Variants in TYW1 observed in about 807,000 individuals in gnomAD.
TYW1 encodes S-adenosyl-L-methionine-dependent tRNA 4-demethylwyosine synthase TYW1.
Under a neutral mutation model 96.2 loss-of-function variants are expected in TYW1, and 46 were observed. The observed-to-expected ratio is 0.48, with a 90% CI of 0.38 to 0.61. The LOEUF is 0.61. Ranked by LOEUF, TYW1 falls within the 20% of genes least tolerant of loss-of-function variation. TYW1 has a pLI of 0.00. For missense variants in TYW1, 684 were observed against 909.6 expected (o/e 0.75, Z 3.19); for synonymous variants, 274 against 323.0 (o/e 0.85, Z 1.63).
intron 15 of TYW1, among the ~76,000 whole-genome samples, chr7:67,227,990 C>G (rs1056641590): frequency 1.8e-4 from 28 of 152,246 alleles, no homozygotes; most frequent in African/African-American, 6.3e-4. Context: ...GGTGGTCTTG[C>G]GGGCCGCTGA....
At chr7:67,180,386 TTATATATATATATATATA>T (rs372906172) in intron 13 of TYW1, among the ~76,000 whole-genome samples, 1 of 111,598 alleles carries the variant, frequency 9.0e-6, no homozygotes, top group Admixed American at 9.7e-5. Context: ...AGCTGTTGGT[TTATATATATATATATATA>T]TTTATATATA....
chr7:67,095,387 C>T (rs1796866949), intron 11 of TYW1, among the ~76,000 whole-genome samples: 1 of 150,790 alleles, frequency 6.6e-6, no homozygotes. Context: ...TGAGTCCCTT[C>T]AATAAACCCT....
rs1247359387 is a variant in TYW1 at position 67,221,634 on chromosome 7, T to G, written c.1978-16674T>G. ...TGAAACATTTAAATTACCTTTTCAT[T>G]TCCTTTTGTGTAGATGCTGTAGCTA... On this transcript the variant is annotated intron_variant, in intron 15 of 15. Transcript: ENST00000359626. Among the ~76,000 whole-genome samples, 6 of 152,238 alleles carry G rather than the reference T, an allele frequency of 3.9e-5. 1 individual carries two copies. The highest frequency in any genetic ancestry group is 8.8e-5 in the Non-Finnish European group (6 of 68,044).
chr7:67,109,418 C>T (rs1797336844), intron 12 of TYW1, among the ~76,000 whole-genome samples: 1 of 150,116 alleles, frequency 6.7e-6, no homozygotes, highest in African/African-American at 2.5e-5. Context: ...AATGAGAATA[C>T]TGGCAAAAAT....
At position 67,006,948 on chromosome 7, in the gene TYW1, C is replaced by CTTTTT. The variant is rs34475001; in HGVS notation, c.274-2610_274-2606dup. ...CAAAACAGTAGGGAGAGATGTGAGG[C>CTTTTT]TTTTTTTTTTTTTTTTTTTTTTTTT... On this transcript the variant is annotated intron_variant, in intron 3 of 15. Coordinates refer to ENST00000359626, the MANE Select transcript of TYW1 (RefSeq NM_018264.4). Among the ~76,000 whole-genome samples the CTTTTT allele has an allele frequency of 2.3e-3, 102 of 45,140 alleles. 16 individuals are homozygous for CTTTTT. The highest frequency in any genetic ancestry group is 2.6e-3 in the Non-Finnish European group (70 of 27,176). The allele number at this position is 45,140 out of a possible 152,430, so 29.6% of individuals were successfully genotyped here.
intron 12 of TYW1, among the ~76,000 whole-genome samples, chr7:67,114,838 G>T (rs1797540955): frequency 6.6e-6 from 1 of 152,092 alleles, no homozygotes. Context: ...CTAATTTTGA[G>T]CCCCTTAGAA....
rs71052407 is a variant in TYW1 at position 67,207,681 on chromosome 7, C to CTTCTT, written c.1977+12346_1977+12347insCTTTT. Among the ~76,000 whole-genome samples, 50 of 116,576 alleles carry CTTCTT rather than the reference C, an allele frequency of 4.3e-4. 2 individuals are homozygous for CTTCTT. Among genetic ancestry groups the CTTCTT allele is most frequent in the African/African-American group, 1.4e-3 (44 of 30,908 alleles). The allele number at this position is 116,576 out of a possible 152,430, so 76.5% of individuals were successfully genotyped here. ...TATCTACTTCACAAATTTTGTTTGC[C>CTTCTT]TTTTTTTTTTTTGGAGATGGAGTCA... is the stretch of plus-strand genomic sequence containing the variant. On this transcript the variant is annotated intron_variant, in intron 15 of 15. Coordinates refer to ENST00000359626, the MANE Select transcript of TYW1 (RefSeq NM_018264.4).
intron 14 of TYW1, among the ~76,000 whole-genome samples, chr7:67,189,095 G>C (rs2844121): frequency 6.6e-6 from 1 of 151,972 alleles, no homozygotes; most frequent in Non-Finnish European, 1.5e-5. Flanking sequence ...TTTAGGAAAC[G>C]CTACCTTCCT....
At chr7:67,219,801 CA>C (rs1801321000) in intron 15 of TYW1, among the ~76,000 whole-genome samples, 1 of 145,272 alleles carries the variant, frequency 6.9e-6, no homozygotes, top group African/African-American at 2.5e-5. Context: ...AAAGGTTTGT[CA>C]ATTTTGTTGA....
intron 13 of TYW1, among the ~76,000 whole-genome samples, chr7:67,141,178 C>G (rs1261586201): frequency 6.6e-6 from 1 of 152,018 alleles, no homozygotes; most frequent in African/African-American, 2.4e-5. Context: ...GTCATTGGTC[C>G]CCAGAAACTA....
chr7:67,051,078 A>G (rs142821276), intron 8 of TYW1, among the ~76,000 whole-genome samples: 3,708 of 152,178 alleles, frequency 0.024, 69 homozygotes, highest in South Asian at 0.082. Flanking sequence ...CATGTTGGCC[A>G]TGCTGGTCTT....
chr7:67,113,852 TG>T (rs1468032206), intron 12 of TYW1, among the ~76,000 whole-genome samples: 1 of 152,154 alleles, frequency 6.6e-6, no homozygotes, highest in Non-Finnish European at 1.5e-5. Flanking sequence ...TTGGCCAGGC[TG>T]GTCTCAAACT....
intron 13 of TYW1, among the ~76,000 whole-genome samples, chr7:67,151,910 G>T (rs929459546): frequency 1.3e-5 from 2 of 152,068 alleles, no homozygotes; most frequent in African/African-American, 4.8e-5. Flanking sequence ...GGGCTCAAGC[G>T]ATCCTCCCAC....
At chr7:67,197,947 T>C (rs1800454782) in intron 15 of TYW1, among the ~76,000 whole-genome samples, 1 of 146,470 alleles carries the variant, frequency 6.8e-6, no homozygotes, top group Non-Finnish European at 1.5e-5. Context: ...TCTCCCTCCC[T>C]TCCCTACCCC....
intron 14 of TYW1, among the ~76,000 whole-genome samples, chr7:67,184,304 T>C (rs1326625290): frequency 1.3e-5 from 2 of 152,216 alleles, no homozygotes; most frequent in African/African-American, 4.8e-5. Context: ...GTTGAGTGCA[T>C]GTTCCTGTGT....
chr7:67,198,929 C>T (rs1800495948), intron 15 of TYW1, among the ~76,000 whole-genome samples: 1 of 152,132 alleles, frequency 6.6e-6, no homozygotes, highest in African/African-American at 2.4e-5. Flanking sequence ...GGTGCAGTGG[C>T]TTACACCTGT....
Position 67,009,609 on chromosome 7 carries a change from A to G in TYW1, c.300A>G (p.Ala100=). Residue 100 remains alanine, a synonymous_variant, in exon 4 of 16, where the codon GCA becomes GCG. Coordinates refer to ENST00000359626, the MANE Select transcript of TYW1 (RefSeq NM_018264.4). ...AKGFATVLAE[A]VTSLDLPVAI... The stretch of plus-strand genomic sequence containing the variant: ...GATTCGCAACAGTTCTTGCTGAAGC[A>G]GTTACATCCCTGGATCTGCCTGTGG... 1 of 1,612,702 alleles carries G rather than the reference A, an allele frequency of 6.2e-7. No individual in the cohort carries two copies.
chr7:67,182,028 C>T (rs1799858463), intron 13 of TYW1, among the ~76,000 whole-genome samples: 1 of 152,028 alleles, frequency 6.6e-6, no homozygotes, highest in African/African-American at 2.4e-5. Context: ...GGGGTTTCAC[C>T]ATGTTGGCCA....
intron 10 of TYW1, among the ~76,000 whole-genome samples, chr7:67,072,933 A>AG (rs1796072774): frequency 1.2e-5 from 1 of 82,526 alleles, no homozygotes; most frequent in African/African-American, 5.5e-5. Flanking sequence ...ATGCCTATCC[A>AG]GTTTTTTTTT....
Sources: gnomAD v4.1 joint callset for allele counts (sites outside exome capture counted in the v4.1 genomes callset) on GRCh38, gnomAD v4.1.1 for gene constraint, MANE v1.5 for transcripts, NCBI Gene and HGNC (gene_info 2026-07-23, HGNC 2026-07-21) for gene names.